ELMO1: variants seen among roughly 807,000 people sequenced by gnomAD.
The protein encoded by ELMO1 is engulfment and cell motility protein 1.
ELMO1 carries 26 observed loss-of-function variants against 98.9 expected under a neutral mutation model. The observed-to-expected ratio is 0.26, with a 90% CI of 0.19 to 0.36. ELMO1 has a LOEUF of 0.36. Among genes scored for constraint, ELMO1 ranks in the 10% least tolerant of loss-of-function variants. ELMO1 has a pLI of 1.00. For synonymous variants in ELMO1, 346 were observed against 346.0 expected (o/e 1.00, Z 0.00); for missense variants, 627 against 935.2 (o/e 0.67, Z 4.30).
intron 14 of ELMO1, among the ~76,000 whole-genome samples, chr7:37,099,599 A>ACT (rs772962691): frequency 6.6e-6 from 1 of 151,776 alleles, no homozygotes; most frequent in Non-Finnish European, 1.5e-5. Context: ...ACCAAAATAA[A>ACT]CTCTTTCTGC....
At chr7:37,375,496 C>T (rs1040606327) in intron 1 of ELMO1, 16 of 767,880 alleles carry the variant, frequency 2.1e-5, no homozygotes, top group South Asian at 1.6e-4. Flanking sequence ...ATTCAAGCCC[C>T]GGCCCCGGAC....
intron 4 of ELMO1, among the ~76,000 whole-genome samples, chr7:37,279,852 G>A (rs1295752097): frequency 1.3e-5 from 2 of 152,174 alleles, no homozygotes; most frequent in African/African-American, 2.4e-5. Context: ...GCTGGGTGAA[G>A]CCTGTCACGG....
chr7:37,099,443 G>A (rs1784526555), intron 14 of ELMO1, among the ~76,000 whole-genome samples: 1 of 152,112 alleles, frequency 6.6e-6, no homozygotes. Context: ...GAGACATTTT[G>A]AAAAGCTCCA....
intron 15 of ELMO1, chr7:37,013,704 T>C (rs977849836): frequency 4.0e-5 from 15 of 370,726 alleles, no homozygotes; most frequent in African/African-American, 2.6e-4. Flanking sequence ...AAGACCCTCT[T>C]GGCTTTGTTC....
chr7:36,901,681 T>C (rs1806517250), intron 16 of ELMO1, among the ~76,000 whole-genome samples: 1 of 152,156 alleles, frequency 6.6e-6, no homozygotes, highest in Admixed American at 6.5e-5. Context: ...CTCTGAACCT[T>C]GGTTTTCTTA....
intron 11 of ELMO1, among the ~76,000 whole-genome samples, chr7:37,215,633 T>C (rs950589050): frequency 1.3e-5 from 2 of 152,188 alleles, no homozygotes; most frequent in Admixed American, 6.5e-5. Context: ...CCACTGAAAT[T>C]ATTCAAACTA....
At chr7:37,128,628 G>A (rs1786691726) in intron 14 of ELMO1, among the ~76,000 whole-genome samples, 1 of 152,138 alleles carries the variant, frequency 6.6e-6, no homozygotes, top group Non-Finnish European at 1.5e-5. Context: ...AAACCAGGCT[G>A]TCCATCACAA....
chr7:37,278,899 G>A (rs1796991229), intron 4 of ELMO1, among the ~76,000 whole-genome samples: 1 of 152,188 alleles, frequency 6.6e-6, no homozygotes, highest in African/African-American at 2.4e-5. Context: ...TGCATCAAAT[G>A]ACGTATGAGA....
At chr7:37,388,129 C>T (rs1161222521) in intron 1 of ELMO1, among the ~76,000 whole-genome samples, 1 of 152,144 alleles carries the variant, frequency 6.6e-6, no homozygotes, top group Non-Finnish European at 1.5e-5. Flanking sequence ...ACATCACCAT[C>T]TAGTAACAAT....
At chr7:37,277,984 G>C (rs1293671738) in intron 4 of ELMO1, among the ~76,000 whole-genome samples, 1 of 152,128 alleles carries the variant, frequency 6.6e-6, no homozygotes, top group Non-Finnish European at 1.5e-5. Context: ...TGAATCCCTT[G>C]CCTCAAAGCC....
At chr7:36,931,213 G>A (rs750597571) in intron 16 of ELMO1, among the ~76,000 whole-genome samples, 3 of 152,214 alleles carry the variant, frequency 2.0e-5, no homozygotes, top group Non-Finnish European at 4.4e-5. Context: ...AATCTCCCAG[G>A]ACCAGTACTA....
chr7:37,108,290 G>C (rs1469217526), intron 14 of ELMO1, among the ~76,000 whole-genome samples: 1 of 152,016 alleles, frequency 6.6e-6, no homozygotes, highest in East Asian at 1.9e-4. Flanking sequence ...GCCCAGACAT[G>C]GCTCCCTCCT....
intron 8 of ELMO1, among the ~76,000 whole-genome samples, chr7:37,230,006 A>G (rs1794081972): frequency 6.6e-6 from 1 of 152,200 alleles, no homozygotes; most frequent in Admixed American, 6.5e-5. Flanking sequence ...TTAAAGAAAC[A>G]CAGCTTTCTA....
intron 19 of ELMO1, among the ~76,000 whole-genome samples, chr7:36,874,592 C>T (rs762441692): frequency 3.3e-5 from 5 of 152,204 alleles, no homozygotes; most frequent in Admixed American, 1.3e-4. Flanking sequence ...AAATTGCCCA[C>T]AGTGCCTCCC....
intron 4 of ELMO1, among the ~76,000 whole-genome samples, chr7:37,301,301 G>A (rs1210261593): frequency 7.0e-6 from 1 of 142,726 alleles, no homozygotes; most frequent in Non-Finnish European, 1.5e-5. Flanking sequence ...GCATTAGGGA[G>A]CAGAGAAAAA....
intron 16 of ELMO1, among the ~76,000 whole-genome samples, chr7:36,897,629 CG>C (rs1463261766): frequency 6.6e-6 from 1 of 152,108 alleles, no homozygotes; most frequent in Non-Finnish European, 1.5e-5. Context: ...TTTTAAAAAT[CG>C]CCTGCATTTA....
At chr7:37,069,025 T>TCTC (rs1402792351) in intron 15 of ELMO1, among the ~76,000 whole-genome samples, 1 of 152,156 alleles carries the variant, frequency 6.6e-6, no homozygotes, top group Non-Finnish European at 1.5e-5. Flanking sequence ...ATGCCTCATC[T>TCTC]CTCCGTGTAA....
chr7:37,127,487 A>G (rs559137464), intron 14 of ELMO1, among the ~76,000 whole-genome samples: 1 of 152,314 alleles, frequency 6.6e-6, no homozygotes, highest in African/African-American at 2.4e-5. Context: ...TGTTTGACAG[A>G]CCAAACTCTC....
At chr7:37,239,818 C>T (rs1448998079) in intron 7 of ELMO1, among the ~76,000 whole-genome samples, 1 of 152,182 alleles carries the variant, frequency 6.6e-6, no homozygotes, top group Non-Finnish European at 1.5e-5. Context: ...GTATCCCCAC[C>T]ATGTTCAATA....
Sources: allele counts gnomAD v4.1 joint callset (sites outside exome capture counted in the v4.1 genomes callset), GRCh38; gene constraint gnomAD v4.1.1; transcripts MANE v1.5; gene names NCBI Gene and HGNC (gene_info 2026-07-23, HGNC 2026-07-21).